INPP4B: variants seen among roughly 807,000 people sequenced by gnomAD.
INPP4B encodes inositol polyphosphate 4-phosphatase type II.
Under a neutral mutation model 122.5 loss-of-function variants are expected in INPP4B, and 55 were observed. The ratio of observed to expected loss-of-function variants is 0.45; its 90% confidence interval spans 0.36 to 0.56. The LOEUF is 0.56. INPP4B is among the 20% of genes least tolerant of loss of function. The pLI is 0.00. For synonymous variants in INPP4B, 403 were observed against 388.7 expected, an observed-to-expected ratio of 1.04 and a Z score of -0.43; for missense variants, 1,000 against 1,097.7, an observed-to-expected ratio of 0.91 and a Z score of 1.26.
At chr4:142,254,094 G>A (rs556523718) in intron 11 of INPP4B, among the ~76,000 whole-genome samples, 1 of 152,116 alleles carries the variant, frequency 6.6e-6, no homozygotes, top group East Asian at 1.9e-4. Context: ...AGCAGGGGCA[G>A]ACTGACACCT....
At chr4:142,717,304 C>T (rs1334324048) in intron 2 of INPP4B, among the ~76,000 whole-genome samples, 1 of 152,110 alleles carries the variant, frequency 6.6e-6, no homozygotes, top group Non-Finnish European at 1.5e-5. Context: ...TACTATGTAC[C>T]AGTAACTATT....
intron 17 of INPP4B, among the ~76,000 whole-genome samples, chr4:142,157,394 T>C (rs1180151463): frequency 6.6e-6 from 1 of 152,152 alleles, no homozygotes; most frequent in Non-Finnish European, 1.5e-5. Context: ...AACTCGGTTC[T>C]TGTTTGCAAA....
chr4:142,053,777 C>G (rs77865794), intron 25 of INPP4B, among the ~76,000 whole-genome samples: 2 of 151,976 alleles, frequency 1.3e-5, no homozygotes, highest in Non-Finnish European at 2.9e-5. Flanking sequence ...CAATAAGAAC[C>G]CCGATTCAGG....
intron 7 of INPP4B, among the ~76,000 whole-genome samples, chr4:142,325,437 A>G (rs1030282195): frequency 1.3e-5 from 2 of 152,190 alleles, no homozygotes; most frequent in Non-Finnish European, 2.9e-5. Context: ...TCTGCAGCCT[A>G]AACACAATCC....
chr4:142,203,578 T>C (rs985289442), intron 14 of INPP4B, among the ~76,000 whole-genome samples: 5 of 152,080 alleles, frequency 3.3e-5, no homozygotes, highest in Non-Finnish European at 5.9e-5. Flanking sequence ...GTGAGTATTC[T>C]ACTTGTTGCA....
At chr4:142,650,616 G>A (rs1441251029) in intron 2 of INPP4B, among the ~76,000 whole-genome samples, 4 of 150,760 alleles carry the variant, frequency 2.7e-5, no homozygotes, top group African/African-American at 7.3e-5. Flanking sequence ...GATCAAAAGA[G>A]ACAAAGAAGG....
chr4:142,277,862 G>A (rs973371277), intron 9 of INPP4B, among the ~76,000 whole-genome samples: 6 of 151,844 alleles, frequency 4.0e-5, no homozygotes, highest in Non-Finnish European at 7.4e-5. Context: ...AAGCTATGAG[G>A]ACGCAAAGGC....
At chr4:142,668,257 A>G (rs1756446800) in intron 2 of INPP4B, among the ~76,000 whole-genome samples, 1 of 152,182 alleles carries the variant, frequency 6.6e-6, no homozygotes, top group South Asian at 2.1e-4. Context: ...GAAGTACAAA[A>G]CATATGATCA....
intron 19 of INPP4B, 27 bp from the exon 20 acceptor site, chr4:142,123,442 A>G (rs1797402954): frequency 6.2e-7 from 1 of 1,603,290 alleles, no homozygotes; most frequent in African/African-American, 1.3e-5. Context: ...GATGAGATTT[A>G]CTGCAGTTAG....
intron 11 of INPP4B, among the ~76,000 whole-genome samples, chr4:142,254,722 G>A (rs7438973): frequency 0.044 from 6,622 of 151,982 alleles, 476 homozygotes; most frequent in African/African-American, 0.15. Flanking sequence ...CCAAATCTAC[G>A]TCTGATTGGT....
chr4:142,330,605 ACT>A (rs1409211277), intron 7 of INPP4B, among the ~76,000 whole-genome samples: 1 of 152,174 alleles, frequency 6.6e-6, no homozygotes, highest in Non-Finnish European at 1.5e-5. Flanking sequence ...TTAAATGATA[ACT>A]CTTCAACAAA....
intron 2 of INPP4B, among the ~76,000 whole-genome samples, chr4:142,593,097 C>T (rs1448951249): frequency 6.8e-6 from 1 of 147,522 alleles, no homozygotes; most frequent in African/African-American, 2.5e-5. Context: ...CAGTGAGATC[C>T]TGTTTTTAAA....
intron 14 of INPP4B, among the ~76,000 whole-genome samples, chr4:142,206,355 C>CTT (rs35063723): frequency 2.3e-5 from 3 of 130,022 alleles, no homozygotes; most frequent in African/African-American, 5.9e-5. Context: ...CTCTCTCTCT[C>CTT]TTTTTTTTTT....
chr4:142,045,717 T>A (rs1459148506), intron 25 of INPP4B, among the ~76,000 whole-genome samples: 2 of 152,136 alleles, frequency 1.3e-5, no homozygotes, highest in African/African-American at 4.8e-5. Flanking sequence ...TGGGAAATGC[T>A]GGGTTAGAAA....
At chr4:142,435,323 A>AG (rs1247540469) in intron 3 of INPP4B, among the ~76,000 whole-genome samples, 3 of 152,160 alleles carry the variant, frequency 2.0e-5, no homozygotes, top group Non-Finnish European at 4.4e-5. Context: ...CAAAATATGA[A>AG]GGGAAAAAAA....
intron 25 of INPP4B, among the ~76,000 whole-genome samples, chr4:142,069,787 G>C (rs1229987944): frequency 6.6e-6 from 1 of 152,152 alleles, no homozygotes; most frequent in Non-Finnish European, 1.5e-5. Context: ...AAACCAGGAA[G>C]AAGTTGAATC....
intron 25 of INPP4B, among the ~76,000 whole-genome samples, chr4:142,065,306 G>A (rs115000757): frequency 0.011 from 1,664 of 151,932 alleles, 29 homozygotes; most frequent in African/African-American, 0.037. Context: ...TACATCTGAA[G>A]TAGATGAATC....
chr4:142,614,261 C>A (rs911886983), intron 2 of INPP4B, among the ~76,000 whole-genome samples: 4 of 151,936 alleles, frequency 2.6e-5, no homozygotes, highest in African/African-American at 4.8e-5. Context: ...AAGCTACATA[C>A]CTACAAGCAA....
intron 15 of INPP4B, among the ~76,000 whole-genome samples, chr4:142,180,149 T>C (rs1830148500): frequency 6.6e-6 from 1 of 152,162 alleles, no homozygotes; most frequent in Non-Finnish European, 1.5e-5. Flanking sequence ...TAAAATGGGA[T>C]TGTGATGATG....
Sources: allele counts gnomAD v4.1 joint callset (sites outside exome capture counted in the v4.1 genomes callset), GRCh38; gene constraint gnomAD v4.1.1; transcripts MANE v1.5; gene names NCBI Gene and HGNC (gene_info 2026-07-23, HGNC 2026-07-21).